The following PTPRD variants were observed in gnomAD, a reference collection of about 807,000 sequenced individuals.
The protein encoded by PTPRD is protein tyrosine phosphatase receptor type D.
Under a neutral mutation model 214.5 loss-of-function variants are expected in PTPRD, and 34 were observed. The ratio of observed to expected loss-of-function variants is 0.16; its 90% CI spans 0.12 to 0.21. The LOEUF (loss-of-function observed/expected upper bound fraction) is 0.21. Among genes scored for constraint, PTPRD ranks in the 10% least tolerant of loss-of-function variants. The pLI is 1.00. For synonymous variants in PTPRD, 1,128 were observed against 845.7 expected (o/e 1.33, Z -5.79); for missense variants, 2,545 against 2,398.7 (o/e 1.06, Z -1.27).
intron 2 of PTPRD, among the ~76,000 whole-genome samples, chr9:10,365,404 T>C (rs1314218081): frequency 6.6e-6 from 1 of 152,192 alleles, no homozygotes; most frequent in Non-Finnish European, 1.5e-5. Context: ...CAACAAACCA[T>C]GCCCTTTAAA....
At chr9:9,467,588 C>CAAAAAAAAAACAAA (rs2094288832) in intron 8 of PTPRD, among the ~76,000 whole-genome samples, 1 of 55,954 alleles carries the variant, frequency 1.8e-5, no homozygotes, top group Non-Finnish European at 3.2e-5. Flanking sequence ...CTCCATCTCC[C>CAAAAAAAAAACAAA]AAAAAAAAAA....
At chr9:10,322,135 T>G (rs1423504580) in intron 3 of PTPRD, among the ~76,000 whole-genome samples, 1 of 152,002 alleles carries the variant, frequency 6.6e-6, no homozygotes, top group African/African-American at 2.4e-5. Context: ...CAAACCCCCA[T>G]TAAATATTTG....
intron 9 of PTPRD, among the ~76,000 whole-genome samples, chr9:9,188,113 C>G (rs991587129): frequency 6.6e-6 from 1 of 151,954 alleles, no homozygotes; most frequent in African/African-American, 2.4e-5. Context: ...GACTTCTAAC[C>G]TATGGTTTAG....
intron 10 of PTPRD, among the ~76,000 whole-genome samples, chr9:9,149,672 G>C (rs1310270208): frequency 2.0e-5 from 3 of 152,190 alleles, no homozygotes. Context: ...GAAAAGTAAA[G>C]TTATCTCACT....
At chr9:9,299,943 T>A (rs978737066) in intron 9 of PTPRD, among the ~76,000 whole-genome samples, 38 of 150,292 alleles carry the variant, frequency 2.5e-4, no homozygotes, top group African/African-American at 9.1e-4. Flanking sequence ...GGCCTAAATA[T>A]TCCTCCACAG....
intron 11 of PTPRD, among the ~76,000 whole-genome samples, chr9:8,810,630 G>T (rs550976337): frequency 2.6e-5 from 4 of 152,158 alleles, no homozygotes; most frequent in African/African-American, 9.7e-5. Context: ...CGTCTTTAGT[G>T]TTTCAAGAGA....
chr9:9,098,292 T>C (rs1207319652), intron 10 of PTPRD, among the ~76,000 whole-genome samples: 1 of 152,130 alleles, frequency 6.6e-6, no homozygotes, highest in Non-Finnish European at 1.5e-5. Context: ...TTGTTGTTGT[T>C]GTTTCCCGGG....
At chr9:9,961,212 C>A (rs2094342049) in intron 4 of PTPRD, among the ~76,000 whole-genome samples, 1 of 151,904 alleles carries the variant, frequency 6.6e-6, no homozygotes, top group Non-Finnish European at 1.5e-5. Context: ...ATACTCTTTC[C>A]TTTCAAGAAT....
At chr9:9,231,824 T>G (rs972265085) in intron 9 of PTPRD, among the ~76,000 whole-genome samples, 3 of 152,178 alleles carry the variant, frequency 2.0e-5, no homozygotes, top group African/African-American at 7.2e-5. Context: ...GTTGGTTTGC[T>G]GCACCCGTCA....
chr9:10,552,555 T>C (rs1590739744), intron 2 of PTPRD, among the ~76,000 whole-genome samples: 1 of 152,194 alleles, frequency 6.6e-6, no homozygotes, highest in East Asian at 1.9e-4. Context: ...CCAGCCATCT[T>C]AGAATCCCAT....
At chr9:10,295,758 C>A (rs1035720991) in intron 3 of PTPRD, among the ~76,000 whole-genome samples, 2 of 151,996 alleles carry the variant, frequency 1.3e-5, no homozygotes, top group Non-Finnish European at 2.9e-5. Flanking sequence ...GTTACCCTTA[C>A]CCGGGTGGGT....
chr9:9,858,720 A>C (rs190585999), intron 5 of PTPRD, among the ~76,000 whole-genome samples: 70 of 152,342 alleles, frequency 4.6e-4, no homozygotes, highest in Admixed American at 6.5e-4. Context: ...CTAAAAATCT[A>C]GTTAGTATAA....
chr9:8,945,023 A>T (rs1485300704), intron 11 of PTPRD, among the ~76,000 whole-genome samples: 1 of 152,118 alleles, frequency 6.6e-6, no homozygotes, highest in African/African-American at 2.4e-5. Flanking sequence ...CCCCATAAAC[A>T]TATGTACTTA....
chr9:9,428,265 A>G (rs144266483), intron 8 of PTPRD, among the ~76,000 whole-genome samples: 143 of 152,260 alleles, frequency 9.4e-4, no homozygotes, highest in African/African-American at 3.4e-3. Context: ...TGCAATCCTA[A>G]TCTCTGATAA....
intron 11 of PTPRD, among the ~76,000 whole-genome samples, chr9:8,928,892 G>C (rs2098923915): frequency 6.6e-6 from 1 of 152,130 alleles, no homozygotes; most frequent in African/African-American, 2.4e-5. Flanking sequence ...AGTTCTGCCT[G>C]AAGAAGTCCT....
At chr9:9,944,330 TACA>T (rs897633236) in intron 4 of PTPRD, among the ~76,000 whole-genome samples, 5 of 152,150 alleles carry the variant, frequency 3.3e-5, no homozygotes, top group Non-Finnish European at 5.9e-5. Flanking sequence ...GACAACTCGA[TACA>T]ACATTTATTC....
At chr9:10,000,618 T>C (rs535487706) in intron 4 of PTPRD, among the ~76,000 whole-genome samples, 1 of 152,258 alleles carries the variant, frequency 6.6e-6, no homozygotes, top group East Asian at 1.9e-4. Flanking sequence ...TAGGCAGATA[T>C]AGAGGGTAAA....
chr9:8,328,654 T>G (rs1378424255), intron 44 of PTPRD, among the ~76,000 whole-genome samples: 1 of 152,052 alleles, frequency 6.6e-6, no homozygotes, highest in Non-Finnish European at 1.5e-5. Context: ...TCCCCTTCAC[T>G]TTCAGGTAAA....
At chr9:8,370,496 T>C (rs2081216336) in intron 39 of PTPRD, among the ~76,000 whole-genome samples, 2 of 152,124 alleles carry the variant, frequency 1.3e-5, no homozygotes, top group Admixed American at 1.3e-4. Context: ...CTGGATTAAA[T>C]GACTGCTCAG....
Sources: allele counts gnomAD v4.1 joint callset (sites outside exome capture counted in the v4.1 genomes callset), GRCh38; gene constraint gnomAD v4.1.1; transcripts MANE v1.5; gene names NCBI Gene and HGNC (gene_info 2026-07-23, HGNC 2026-07-21).